Variants in GRID2 observed in about 807,000 individuals in gnomAD.
GRID2 encodes the protein glutamate ionotropic receptor delta type subunit 2, also known as glutamate receptor ionotropic, delta-2.
Under a neutral mutation model 114.8 loss-of-function variants are expected in GRID2, and 33 were observed. The ratio of observed to expected loss-of-function variants is 0.29; its 90% CI spans 0.22 to 0.38. GRID2 has a LOEUF of 0.38. Among genes scored for constraint, GRID2 ranks in the 10% least tolerant of loss-of-function variants. The probability of loss-of-function intolerance (pLI) is 1.00; values close to 1 mark genes in which losing one functional copy is unlikely to be tolerated. For missense variants in GRID2, 1,184 were observed against 1,257.7 expected (o/e 0.94, Z 0.89); for synonymous variants, 505 against 449.9 (o/e 1.12, Z -1.55).
At chr4:92,859,585 A>G (rs78827179) in intron 2 of GRID2, among the ~76,000 whole-genome samples, 4,200 of 152,224 alleles carry the variant, frequency 0.028, 95 homozygotes, top group Non-Finnish European at 0.043. Context: ...ATATCCTCAG[A>G]TTTTTTCCTT....
At chr4:92,402,267 C>T (rs573435145) in intron 1 of GRID2, among the ~76,000 whole-genome samples, 1 of 152,238 alleles carries the variant, frequency 6.6e-6, no homozygotes, top group African/African-American at 2.4e-5. Context: ...CAACTTCTTT[C>T]ACAGCCCTGT....
At chr4:93,186,193 G>A (rs973337424) in intron 4 of GRID2, among the ~76,000 whole-genome samples, 3 of 152,104 alleles carry the variant, frequency 2.0e-5, no homozygotes, top group Admixed American at 2.0e-4. Flanking sequence ...ATTGTGAATA[G>A]TGCCGCAATA....
chr4:93,636,574 A>G (rs528446686), intron 14 of GRID2, among the ~76,000 whole-genome samples: 1 of 152,186 alleles, frequency 6.6e-6, no homozygotes, highest in African/African-American at 2.4e-5. Context: ...TAACGTCAAG[A>G]CACTTTTTAC....
At chr4:93,076,688 G>A (rs1256927131) in intron 2 of GRID2, among the ~76,000 whole-genome samples, 2 of 143,526 alleles carry the variant, frequency 1.4e-5, no homozygotes, top group Non-Finnish European at 3.0e-5. Flanking sequence ...CGCAATCTCG[G>A]TTCACTGCAA....
At chr4:92,562,554 A>AT (rs1430042075) in intron 1 of GRID2, among the ~76,000 whole-genome samples, 2 of 152,048 alleles carry the variant, frequency 1.3e-5, no homozygotes, top group East Asian at 1.9e-4. Context: ...GTCAATTCTC[A>AT]TTTTTTCTGC....
intron 1 of GRID2, among the ~76,000 whole-genome samples, chr4:92,305,293 T>G (rs1725319797): frequency 6.6e-6 from 1 of 152,074 alleles, no homozygotes; most frequent in South Asian, 2.1e-4. Context: ...CCAGCCACCC[T>G]CTCTTCTCAC....
intron 3 of GRID2, among the ~76,000 whole-genome samples, chr4:93,100,494 C>T (rs927426617): frequency 1.3e-5 from 2 of 151,766 alleles, no homozygotes; most frequent in Non-Finnish European, 2.9e-5. Flanking sequence ...GGAAGCAAGC[C>T]ATTTATAAAG....
At chr4:93,264,606 T>A (rs1750596166) in intron 8 of GRID2, among the ~76,000 whole-genome samples, 1 of 150,922 alleles carries the variant, frequency 6.6e-6, no homozygotes, top group Non-Finnish European at 1.5e-5. Context: ...GGTTTCTGTG[T>A]TCCTACAATT....
intron 8 of GRID2, among the ~76,000 whole-genome samples, chr4:93,368,737 T>C (rs898646231): frequency 6.6e-6 from 1 of 152,136 alleles, no homozygotes; most frequent in African/African-American, 2.4e-5. Flanking sequence ...TTAGGTAAAT[T>C]GGAATAAGAA....
intron 2 of GRID2, among the ~76,000 whole-genome samples, chr4:92,781,875 T>C (rs180890283): frequency 2.0e-5 from 3 of 152,122 alleles, no homozygotes; most frequent in Admixed American, 6.6e-5. Context: ...AATAAAATTT[T>C]AAAATATGTA....
chr4:93,433,801 G>T (rs548700966), intron 10 of GRID2, among the ~76,000 whole-genome samples: 17 of 152,252 alleles, frequency 1.1e-4, no homozygotes, highest in Non-Finnish European at 2.1e-4. Flanking sequence ...AATCCCACAT[G>T]ACCATTCCAA....
At chr4:92,319,297 C>T (rs1726181851) in intron 1 of GRID2, among the ~76,000 whole-genome samples, 1 of 152,172 alleles carries the variant, frequency 6.6e-6, no homozygotes, top group Non-Finnish European at 1.5e-5. Flanking sequence ...GTGTCATTCA[C>T]TCCCAATTCA....
chr4:93,037,913 C>T (rs1200544039), intron 2 of GRID2, among the ~76,000 whole-genome samples: 1 of 152,098 alleles, frequency 6.6e-6, no homozygotes, highest in Non-Finnish European at 1.5e-5. Flanking sequence ...ATTGTCTTGG[C>T]TATGCAGACT....
At chr4:92,323,935 T>C (rs1726459368) in intron 1 of GRID2, among the ~76,000 whole-genome samples, 1 of 152,026 alleles carries the variant, frequency 6.6e-6, no homozygotes, top group Non-Finnish European at 1.5e-5. Context: ...ATTCATATCA[T>C]CAAAGTAATA....
chr4:92,652,921 C>CTT (rs1732029698), intron 2 of GRID2, among the ~76,000 whole-genome samples: 1 of 121,808 alleles, frequency 8.2e-6, no homozygotes, highest in Admixed American at 8.3e-5. Flanking sequence ...TTTATAAATA[C>CTT]ATATAAATAT....
intron 3 of GRID2, 143 bp from the exon 4 acceptor site, chr4:93,110,605 A>G: frequency 1.5e-6 from 1 of 659,030 alleles, no homozygotes. Context: ...AACATACTTG[A>G]GAGTTCCGTC....
intron 4 of GRID2, among the ~76,000 whole-genome samples, chr4:93,149,035 A>G (rs1467082976): frequency 6.6e-6 from 1 of 152,108 alleles, no homozygotes; most frequent in Non-Finnish European, 1.5e-5. Context: ...CATTATTTTC[A>G]GGGCCCCATT....
At chr4:93,108,856 C>T (rs1417212875) in intron 3 of GRID2, among the ~76,000 whole-genome samples, 1 of 152,074 alleles carries the variant, frequency 6.6e-6, no homozygotes, top group East Asian at 1.9e-4. Flanking sequence ...GTCTCAAGCT[C>T]CTGACCTCAT....
intron 2 of GRID2, among the ~76,000 whole-genome samples, chr4:92,624,190 T>C (rs1190561709): frequency 2.6e-5 from 4 of 151,896 alleles, no homozygotes; most frequent in Non-Finnish European, 5.9e-5. Flanking sequence ...TATGACGTAG[T>C]GTTTTAATTA....
Sources: gnomAD v4.1 joint callset for allele counts (sites outside exome capture counted in the v4.1 genomes callset) on GRCh38, gnomAD v4.1.1 for gene constraint, MANE v1.5 for transcripts, NCBI Gene and HGNC (gene_info 2026-07-23, HGNC 2026-07-21) for gene names.